RARB: variants seen among roughly 807,000 people sequenced by gnomAD.
RARB encodes the protein retinoic acid receptor beta, also known as HBV-activated protein.
Under a neutral mutation model 51.9 loss-of-function variants are expected in RARB, and 17 were observed. The ratio of observed to expected loss-of-function variants is 0.33; its 90% CI spans 0.22 to 0.49. The LOEUF (loss-of-function observed/expected upper bound fraction) is 0.49, where lower values mean the gene tolerates loss of function less well. RARB is among the 20% of genes least tolerant of loss of function. The probability of loss-of-function intolerance (pLI) is 0.99; values close to 1 mark genes in which losing one functional copy is unlikely to be tolerated. For missense variants in RARB, 369 were observed against 550.8 expected, an observed-to-expected ratio of 0.67 and a Z score of 3.30; for synonymous variants, 215 against 195.4, an observed-to-expected ratio of 1.10 and a Z score of -0.84.
intron 5 of RARB, among the ~76,000 whole-genome samples, chr3:25,352,579 G>A (rs1442062098): frequency 6.6e-6 from 1 of 152,134 alleles, no homozygotes; most frequent in Admixed American, 6.5e-5. Context: ...GAAACTTAAT[G>A]TTTTTCTTGT....
intron 5 of RARB, among the ~76,000 whole-genome samples, chr3:25,320,566 G>A (rs1575309935): frequency 6.6e-6 from 1 of 152,008 alleles, no homozygotes; most frequent in East Asian, 1.9e-4. Context: ...CCATTTTCTT[G>A]CATTTTACTT....
chr3:25,102,150 T>C (rs1005511130), intron 3 of RARB, among the ~76,000 whole-genome samples: 1 of 152,148 alleles, frequency 6.6e-6, no homozygotes, highest in African/African-American at 2.4e-5. Flanking sequence ...AGCATGCACG[T>C]TAGCATTTCT....
At chr3:25,382,346 C>T (rs187633178) in intron 5 of RARB, among the ~76,000 whole-genome samples, 2 of 152,270 alleles carry the variant, frequency 1.3e-5, no homozygotes, top group Non-Finnish European at 2.9e-5. Context: ...TACAAACTTT[C>T]AAAGTTGATA....
At chr3:25,484,963 A>G (rs1696389654) in intron 2 of RARB, among the ~76,000 whole-genome samples, 1 of 152,196 alleles carries the variant, frequency 6.6e-6, no homozygotes, top group South Asian at 2.1e-4. Flanking sequence ...AGCTTCCTTC[A>G]TTTATAGTCA....
chr3:25,550,312 T>C (rs1447945746), intron 3 of RARB, among the ~76,000 whole-genome samples: 1 of 152,150 alleles, frequency 6.6e-6, no homozygotes, highest in Non-Finnish European at 1.5e-5. Context: ...TTTGGGCTGC[T>C]GTAACAAAAA....
At chr3:25,295,305 C>T (rs918269017) in intron 5 of RARB, among the ~76,000 whole-genome samples, 1 of 152,152 alleles carries the variant, frequency 6.6e-6, no homozygotes, top group Non-Finnish European at 1.5e-5. Flanking sequence ...TGATGAGGTT[C>T]TGCCTTCATC....
At chr3:25,263,700 T>A (rs1703059621) in intron 5 of RARB, among the ~76,000 whole-genome samples, 2 of 152,166 alleles carry the variant, frequency 1.3e-5, no homozygotes, top group South Asian at 4.1e-4. Flanking sequence ...CATGAGTCCA[T>A]GGATGATCAT....
intron 5 of RARB, among the ~76,000 whole-genome samples, chr3:25,376,242 A>T (rs1358229475): frequency 6.6e-6 from 1 of 152,090 alleles, no homozygotes. Flanking sequence ...CCATGCTCTT[A>T]CCTACCTGGA....
chr3:25,143,649 A>G (rs970703356), intron 4 of RARB, among the ~76,000 whole-genome samples: 3 of 152,156 alleles, frequency 2.0e-5, no homozygotes, highest in Admixed American at 2.0e-4. Flanking sequence ...ATAACACTGA[A>G]CCTGAGCAAC....
At chr3:25,089,932 A>G (rs1699167708) in intron 3 of RARB, among the ~76,000 whole-genome samples, 1 of 152,178 alleles carries the variant, frequency 6.6e-6, no homozygotes, top group Non-Finnish European at 1.5e-5. Flanking sequence ...GAATGGCACA[A>G]AAATCAATGG....
At chr3:25,022,164 C>T (rs1019896182) in intron 2 of RARB, among the ~76,000 whole-genome samples, 1 of 152,108 alleles carries the variant, frequency 6.6e-6, no homozygotes, top group African/African-American at 2.4e-5. Context: ...AGAAAAGTAA[C>T]GAAATCGTAA....
chr3:25,478,762 A>G (rs1159874336), intron 2 of RARB, among the ~76,000 whole-genome samples: 1 of 152,206 alleles, frequency 6.6e-6, no homozygotes, highest in Non-Finnish European at 1.5e-5. Flanking sequence ...CTGATCTCTC[A>G]GGGAGTGGTC....
chr3:24,981,492 T>A (rs887450423), intron 2 of RARB, among the ~76,000 whole-genome samples: 1 of 152,086 alleles, frequency 6.6e-6, no homozygotes, highest in Non-Finnish European at 1.5e-5. Flanking sequence ...CAAGCCTCAG[T>A]GGACGCCCCT....
chr3:25,247,204 A>G (rs1702584441), intron 5 of RARB, among the ~76,000 whole-genome samples: 1 of 152,128 alleles, frequency 6.6e-6, no homozygotes, highest in Non-Finnish European at 1.5e-5. Flanking sequence ...TCGATTTTAG[A>G]GTTCTGTGCT....
At chr3:25,220,956 G>A (rs766005790) in intron 5 of RARB, among the ~76,000 whole-genome samples, 4 of 152,032 alleles carry the variant, frequency 2.6e-5, no homozygotes, top group Non-Finnish European at 5.9e-5. Flanking sequence ...AAAGTGTAAA[G>A]CAATGGATTA....
chr3:25,407,295 TAG>T (rs1459718815), intron 5 of RARB, among the ~76,000 whole-genome samples: 6 of 152,180 alleles, frequency 3.9e-5, no homozygotes, highest in Non-Finnish European at 8.8e-5. Context: ...CTTCAGTCTT[TAG>T]AAAAAGACCG....
chr3:25,243,509 T>C (rs1271049368), intron 5 of RARB, among the ~76,000 whole-genome samples: 1 of 152,240 alleles, frequency 6.6e-6, no homozygotes, highest in African/African-American at 2.4e-5. Flanking sequence ...TTGAGTGTTT[T>C]TAGCCTGAAG....
Position 25,102,465 on chromosome 3 carries a change from G to A in RARB, c.-327-29696G>A, listed in dbSNP as rs571330293. Among the ~76,000 whole-genome samples the A allele has an allele frequency of 1.1e-4, 17 of 152,026 alleles. No homozygotes were observed. In the East Asian group the frequency reaches 2.9e-3, roughly 26 times the overall value. On this transcript the variant is annotated intron_variant, in intron 3 of 11. Transcript: ENST00000383772. ...TGAGGCAGAAGAATCACTTGAACCC[G>A]GGAGGCAGAGACTGCAGTGAGCCAA...
chr3:25,225,537 T>A (rs1017293892), intron 5 of RARB, among the ~76,000 whole-genome samples: 1 of 152,150 alleles, frequency 6.6e-6, no homozygotes, highest in East Asian at 1.9e-4. Context: ...CTTTCTAGAA[T>A]CTTTAAATTC....
Sources: allele counts gnomAD v4.1 joint callset (sites outside exome capture counted in the v4.1 genomes callset), GRCh38; gene constraint gnomAD v4.1.1; transcripts MANE v1.5; gene names NCBI Gene and HGNC (gene_info 2026-07-23, HGNC 2026-07-21).